The following MYO6 variants were observed in gnomAD, a reference collection of about 807,000 sequenced individuals.
MYO6 encodes unconventional myosin-VI.
MYO6 carries 74 observed loss-of-function variants against 178.7 expected under a neutral mutation model. That is an observed-to-expected ratio of 0.41 (90% CI 0.34 to 0.50). The LOEUF is 0.50. Among genes scored for constraint, MYO6 ranks in the 20% least tolerant of loss-of-function variants. MYO6 has a pLI of 0.09. For missense variants in MYO6, 1,330 were observed against 1,547.4 expected, an observed-to-expected ratio of 0.86 and a Z score of 2.36; for synonymous variants, 477 against 504.6, an observed-to-expected ratio of 0.95 and a Z score of 0.73.
At chr6:75,905,685 C>T (rs924940031) in intron 30 of MYO6, among the ~76,000 whole-genome samples, 3 of 152,258 alleles carry the variant, frequency 2.0e-5, no homozygotes, top group Admixed American at 6.5e-5. Context: ...TCTTCTGCGT[C>T]GCTCACGCTG....
chr6:75,898,244 G>A (rs1779454778), intron 29 of MYO6, 129 bp from the exon 30 acceptor site: 3 of 620,822 alleles, frequency 4.8e-6, no homozygotes, highest in Admixed American at 6.2e-5. Flanking sequence ...CATTAACAAA[G>A]TAAAACAGTT....
rs534665400 is a variant in MYO6, at chr6:75,877,514, G to A, written c.2078-2306G>A. ...ACTCCTGAGCTCAAATGATCTGTTT[G>A]CCTCGGCCTCCTGAAGTGCTGGGAT... On this transcript the variant is annotated intron_variant, in intron 20 of 34. Transcript: ENST00000369977. Among the ~76,000 whole-genome samples the A allele has an allele frequency of 1.3e-3, 193 of 152,190 alleles. 3 individuals carry two copies. The Middle Eastern group carries it at 0.02, about 16-fold the overall frequency.
chr6:75,755,624 T>C, intron 1 of MYO6, among the ~76,000 whole-genome samples: 1 of 152,158 alleles, frequency 6.6e-6, no homozygotes, highest in South Asian at 2.1e-4. Context: ...ATTTTGAAAA[T>C]AACTTTTATT....
At chr6:75,831,811 G>T (rs992149909) in intron 5 of MYO6, among the ~76,000 whole-genome samples, 1 of 151,504 alleles carries the variant, frequency 6.6e-6, no homozygotes, top group African/African-American at 2.4e-5. Flanking sequence ...GATCGCTTGA[G>T]CTCAGGAGAT....
chr6:75,830,690 G>A, intron 5 of MYO6, 145 bp downstream of exon 5: 1 of 788,066 alleles, frequency 1.3e-6, no homozygotes, highest in Non-Finnish European at 2.0e-6. Flanking sequence ...TATCAACATT[G>A]TTAGGAGCAA....
At chr6:75,791,196 G>A (rs1042335828) in intron 1 of MYO6, among the ~76,000 whole-genome samples, 3 of 152,212 alleles carry the variant, frequency 2.0e-5, no homozygotes, top group African/African-American at 7.2e-5. Flanking sequence ...GCCTCCCAAA[G>A]TGCTGGGATT....
At chr6:75,821,925 C>T (rs747733792) in intron 2 of MYO6, among the ~76,000 whole-genome samples, 2 of 152,098 alleles carry the variant, frequency 1.3e-5, no homozygotes, top group African/African-American at 2.4e-5. Flanking sequence ...TTCATGGATA[C>T]TTGTAATTTT....
chr6:75,910,159 C>G (rs1780657506), intron 32 of MYO6, among the ~76,000 whole-genome samples: 1 of 152,148 alleles, frequency 6.6e-6, no homozygotes, highest in African/African-American at 2.4e-5. Context: ...AAAATGATTA[C>G]ATTAGCTGTT....
chr6:75,902,418 A>T (rs1025324292), intron 30 of MYO6, among the ~76,000 whole-genome samples: 1 of 152,346 alleles, frequency 6.6e-6, no homozygotes, highest in Non-Finnish European at 1.5e-5. Context: ...TTATTGGTCT[A>T]TTCAGAGATT....
Position 75,855,204 on chromosome 6 carries a change from G to A in MYO6, c.1144G>A (p.Asp382Asn), listed in dbSNP as rs111530469. ...ATATTGTGCTGAATTACTGGGTTTG[G>A]ACCAAGATGATCTTCGAGTAAGTTT... ...LEYCAELLGL[D>N]QDDLRVSLTT... Residue 382 changes from aspartate (D) to asparagine (N), a missense_variant, in exon 12 of 35, where the codon GAC becomes AAC. By Grantham distance (23) the Asp-to-Asn change is conservative (BLOSUM62 1). Transcript: ENST00000369977. 2.7e-4 allele frequency: 431 copies of A among 1,613,482 alleles called. 1 individual carries two copies. The African/African-American group carries it at 4.6e-3, about 17-fold the overall frequency.
chr6:75,772,818 A>G (rs746514527), intron 1 of MYO6, among the ~76,000 whole-genome samples: 2 of 152,226 alleles, frequency 1.3e-5, no homozygotes, highest in Non-Finnish European at 2.9e-5. Flanking sequence ...ATGAAGTGCT[A>G]AAGTTTTGAG....
chr6:75,882,961 G>C (rs1391985881), intron 23 of MYO6, among the ~76,000 whole-genome samples: 1 of 152,140 alleles, frequency 6.6e-6, no homozygotes, highest in Admixed American at 6.6e-5. Flanking sequence ...AAAAACCATA[G>C]TGAGTCACCA....
chr6:75,808,304 C>T lies in MYO6; in HGVS notation c.-47-9197C>T, dbSNP rs747947016. On this transcript the variant is annotated intron_variant, in intron 1 of 34. Coordinates refer to ENST00000369977, the MANE Select transcript of MYO6 (RefSeq NM_004999.4). ...GTTCTGATAAGAGCACTTTTCCTGG[C>T]TTATAGATGGCAGCCTTTTCTCTGT... is the stretch of plus-strand genomic sequence containing the variant. 2.0e-5 allele frequency among the ~76,000 whole-genome samples: 3 copies of T among 152,172 alleles called. No homozygotes were observed. In the East Asian group the frequency reaches 5.8e-4, roughly 29 times the overall value.
chr6:75,867,402 A>C, intron 18 of MYO6: 1 of 271,928 alleles, frequency 3.7e-6, no homozygotes. Flanking sequence ...TCTCTTTCCC[A>C]TGTGTTTTCT....
At chr6:75,858,774 A>G (rs1221511665) in intron 13 of MYO6, 128 bp from the exon 14 acceptor site, 2 of 651,802 alleles carry the variant, frequency 3.1e-6, no homozygotes, top group African/African-American at 1.8e-5. Context: ...GTATAGAACA[A>G]ATATATATAA....
Position 75,881,822 on chromosome 6 carries a change from G to T in MYO6, c.2416+4G>T. 1.2e-6 allele frequency: 2 copies of T among 1,613,338 alleles called. No individual in the cohort carries two copies. The highest frequency in any genetic ancestry group is 1.7e-6 in the Non-Finnish European group (2 of 1,179,500). On this transcript the variant is annotated splice_donor_region_variant and intron_variant, in intron 23 of 34. Coordinates refer to ENST00000369977, the MANE Select transcript of MYO6 (RefSeq NM_004999.4). ...TGCTCACTCTCAGTCATCAAATGTA[G>T]GTGTTTTCCTTTACACCTATAGGAT...
At chr6:75,864,062 A>G (rs931267037) in intron 16 of MYO6, among the ~76,000 whole-genome samples, 3 of 152,170 alleles carry the variant, frequency 2.0e-5, no homozygotes, top group Non-Finnish European at 2.9e-5. Flanking sequence ...CTCATAGACA[A>G]CATCATTAAC....
chr6:75,848,439 T>G lies in MYO6; in HGVS notation c.986T>G (p.Leu329Trp). ...TGCACGGCTATGAAAAAAATTGGTT[T>G]GGATGATGAAGAAAAGCTTGATCTC... is the stretch of plus-strand genomic sequence containing the variant. Reference protein sequence around the residue: ...RMCTAMKKIGLDDEEKLDLFR... With the variant: ...RMCTAMKKIGWDDEEKLDLFR... The change falls in exon 11 of 35, where the codon TTG (leucine) becomes TGG (tryptophan). Residue 329 changes from leucine to tryptophan, a missense_variant. By Grantham distance (61) the Leu-to-Trp change is moderately conservative. Around this residue, in one of 3 missense-constraint regions of MYO6, gnomAD observed 613 missense variants for 816.8 expected, o/e 0.75. Transcript: ENST00000369977. 1 of 1,613,904 alleles carries G rather than the reference T, an allele frequency of 6.2e-7. No individual in the cohort carries two copies. Among genetic ancestry groups the G allele is most frequent in the Non-Finnish European group, 8.5e-7 (1 of 1,179,864 alleles).
chr6:75,817,835 A>G (rs969026068), intron 2 of MYO6, among the ~76,000 whole-genome samples, 171 bp downstream of exon 2: 2 of 152,186 alleles, frequency 1.3e-5, no homozygotes, highest in Non-Finnish European at 2.9e-5. Context: ...TATGTGCCCT[A>G]GGGAAAAAAT....
Sources: gnomAD v4.1 joint callset for allele counts (sites outside exome capture counted in the v4.1 genomes callset) on GRCh38, gnomAD v4.1.1 for gene constraint, gnomAD v4.1.1 regional missense constraint, MANE v1.5 for transcripts, NCBI Gene and HGNC (gene_info 2026-07-23, HGNC 2026-07-21) for gene names.